Variants in CTR9 observed in about 807,000 individuals in gnomAD.
CTR9 encodes CTR9 component of Paf1/RNA polymerase II complex, also known as RNA polymerase-associated protein CTR9 homolog.
CTR9 carries 41 observed loss-of-function variants against 152.1 expected under a neutral mutation model. That is an observed-to-expected ratio of 0.27 (90% CI 0.21 to 0.35). CTR9 has a LOEUF of 0.35. CTR9 is among the 10% of genes least tolerant of loss of function. CTR9 has a pLI of 1.00. For missense variants in CTR9, 917 were observed against 1,424.4 expected, an observed-to-expected ratio of 0.64 and a Z score of 5.73; for synonymous variants, 476 against 496.2, an observed-to-expected ratio of 0.96 and a Z score of 0.54.
chr11:10,760,156 A>G lies in CTR9; in HGVS notation c.593-17A>G. 2 of 1,610,626 alleles carry G rather than the reference A, an allele frequency of 1.2e-6. No homozygotes were observed. The highest frequency in any genetic ancestry group is 1.3e-5 in the African/African-American group (1 of 74,970). On this transcript the variant is annotated splice_polypyrimidine_tract_variant and intron_variant, in intron 5 of 24. Coordinates refer to ENST00000361367, the MANE Select transcript of CTR9 (RefSeq NM_014633.5). ...AAAATGCCCTAGTTTGATAGATTGA[A>G]TGACTTCATTTTATAGCGGAAGTTC...
chr11:10,771,505 C>A (rs777985712), intron 18 of CTR9, 40 bp from the exon 19 acceptor site: 2 of 1,380,932 alleles, frequency 1.4e-6, no homozygotes, highest in African/African-American at 1.4e-5. Flanking sequence ...TCATTAGAAT[C>A]TCTTTTTTTA....
intron 7 of CTR9, 115 bp downstream of exon 7, chr11:10,762,169 C>T (rs1862988765): frequency 1.5e-6 from 1 of 679,964 alleles, no homozygotes; most frequent in African/African-American, 1.8e-5. Flanking sequence ...TTTCCCCCCT[C>T]CAAATTATAG....
chr11:10,751,351 A>T lies in CTR9; in HGVS notation c.-62A>T, dbSNP rs1007896834. 1.3e-6 allele frequency: 2 copies of T among 1,569,492 alleles called. No individual in the cohort carries two copies. The highest frequency in any genetic ancestry group is 1.8e-6 in the Non-Finnish European group (2 of 1,141,724). On this transcript the variant is annotated 5_prime_UTR_variant, in exon 1 of 25. Coordinates refer to ENST00000361367, the MANE Select transcript of CTR9 (RefSeq NM_014633.5). ...CGTCACTCACCTCTGGATTAGCCTG[A>T]AGCGGAGACTACCGGCTGCGGAGCG... is the stretch of plus-strand genomic sequence containing the variant.
In CTR9 at chr11:10,768,401, A is replaced by G. The variant is rs747692169; in HGVS notation, c.2019A>G (p.Val673=). 1.2e-6 allele frequency: 2 copies of G among 1,614,184 alleles called. No individual in the cohort carries two copies. Among genetic ancestry groups the G allele is most frequent in the South Asian group, 1.1e-5 (1 of 91,076 alleles). ...AAGCTCGTGATGTATTTGCCCAAGT[A>G]AGAGAAGCAACAGCAGATATTAGTG... The part of the protein sequence containing the change: ...FREARDVFAQ[V]REATADISDV... The change falls in exon 16 of 25, where the codon GTA becomes GTG. Residue 673 remains valine (V), a synonymous_variant. Coordinates refer to ENST00000361367, the MANE Select transcript of CTR9 (RefSeq NM_014633.5).
In CTR9 at chr11:10,774,035, T is replaced by C. The variant is rs367767575; in HGVS notation, c.2751T>C (p.Phe917=). The C allele has an allele frequency of 2.5e-5, 40 of 1,612,226 alleles. No homozygotes were observed. Among genetic ancestry groups the C allele is most frequent in the Non-Finnish European group, 3.4e-5 (40 of 1,179,346 alleles). ...GGRRSKKGGE[F]DEFVNDDTDD... Reference sequence around the variant, plus strand: ...AGCGTTCTAAGAAGGGAGGAGAGTTTGATGAATTTGTCAATGATGACACTG... The same window carrying C: ...AGCGTTCTAAGAAGGGAGGAGAGTTCGATGAATTTGTCAATGATGACACTG... The change falls in exon 22 of 25, where the codon TTT becomes TTC. Residue 917 remains phenylalanine (F), a synonymous_variant. Coordinates refer to ENST00000361367, the MANE Select transcript of CTR9 (RefSeq NM_014633.5).
Position 10,763,418 on chromosome 11 carries a change from G to C in CTR9, c.850-13G>C. ...TATGAATTCACTCAGTTGACTTTCTGATCTTTGTTCAGGATTATAGTAAAG... is the reference window on the plus strand; with the variant it reads ...TATGAATTCACTCAGTTGACTTTCTCATCTTTGTTCAGGATTATAGTAAAG... On this transcript the variant is annotated splice_polypyrimidine_tract_variant and intron_variant, in intron 7 of 24. Coordinates refer to ENST00000361367, the MANE Select transcript of CTR9 (RefSeq NM_014633.5). The C allele has an allele frequency of 6.3e-7, 1 of 1,578,514 alleles. No homozygotes were observed. The highest frequency in any genetic ancestry group is 8.7e-7 in the Non-Finnish European group (1 of 1,150,066).
At chr11:10,770,905 C>G (rs1436125009) in intron 18 of CTR9, among the ~76,000 whole-genome samples, 1 of 152,138 alleles carries the variant, frequency 6.6e-6, no homozygotes, top group African/African-American at 2.4e-5. Context: ...GGCTGGCTAG[C>G]TTTGCAAACT....
chr11:10,760,281 C>T lies in CTR9; in HGVS notation c.701C>T (p.Ala234Val). ...GAACTCAATTCCAAATGCGTGGGAG[C>T]ATTGGTTGGACTGGCTGTTCTAGAA... is the stretch of plus-strand genomic sequence containing the variant. ...ALELNSKCVGALVGLAVLELN... is the reference protein window; with the variant it reads ...ALELNSKCVGVLVGLAVLELN... Residue 234 changes from alanine to valine, a missense_variant, in exon 6 of 25, where the codon GCA becomes GTA. Coordinates refer to ENST00000361367, the MANE Select transcript of CTR9 (RefSeq NM_014633.5). 6.2e-7 allele frequency: 1 copy of T among 1,613,960 alleles called. No individual in the cohort carries two copies. The highest frequency in any genetic ancestry group is 8.5e-7 in the Non-Finnish European group (1 of 1,179,908).
rs750784338 is a variant in CTR9 at position 10,774,155 on chromosome 11, G to A, written c.2871G>A (p.Lys957=). The A allele has an allele frequency of 1.9e-6, 3 of 1,605,400 alleles. No homozygotes were observed. Among genetic ancestry groups the A allele is most frequent in the Admixed American group, 1.7e-5 (1 of 58,074 alleles). ...GEDEEGGERK[K]KKRRRHPKGE... ...ATGAGGAGGGTGGTGAGAGAAAGAA[G>A]AAAAAGAGGAGAAGGTAATGTCATC... The change falls in exon 22 of 25, where the codon AAG becomes AAA. Residue 957 remains lysine (K), a synonymous_variant. Coordinates refer to ENST00000361367, the MANE Select transcript of CTR9 (RefSeq NM_014633.5).
intron 24 of CTR9, among the ~76,000 whole-genome samples, chr11:10,776,920 C>G (rs1253790151): frequency 1.7e-5 from 2 of 119,374 alleles, no homozygotes; most frequent in Non-Finnish European, 3.2e-5. Flanking sequence ...TTGAAGTGAG[C>G]TGAGATGGTA....
Position 10,775,510 on chromosome 11 carries a change from A to G in CTR9, c.2983-11A>G, listed in dbSNP as rs1863218198. ...AGTCTTGACTAATCTATTATGTTTG[A>G]CATTCTTTAGCCCAAGCCAGAACGT... On this transcript the variant is annotated splice_polypyrimidine_tract_variant and intron_variant, in intron 23 of 24. Transcript: ENST00000361367. 6.2e-7 allele frequency: 1 copy of G among 1,604,070 alleles called. No individual in the cohort carries two copies.
At position 10,766,281 on chromosome 11, in the gene CTR9, ACTTTTCTGTTC is replaced by A. The variant is rs1863058261; in HGVS notation, c.1598-115_1598-105del. 11 of 709,046 alleles carry A rather than the reference ACTTTTCTGTTC, an allele frequency of 1.6e-5. No individual in the cohort carries two copies. In the South Asian group the frequency reaches 1.7e-4, roughly 11 times the overall value. 43.9% of individuals were successfully genotyped at this position (709,046 alleles called of 1,614,324 possible). A position where few individuals can be genotyped will look rare whatever the true frequency, so the allele number is the denominator to read the frequency against. On this transcript the variant is annotated intron_variant, in intron 12 of 24. Transcript: ENST00000361367. ...TGATTGATATTTTTTCACCTTTGGG[ACTTTTCTGTTC>A]CTTTTATGGCGGTATTAATGAAAAA...
At chr11:10,773,525 A>T (rs1198925285) in intron 21 of CTR9, among the ~76,000 whole-genome samples, 1 of 152,140 alleles carries the variant, frequency 6.6e-6, no homozygotes, top group Non-Finnish European at 1.5e-5. Context: ...TAACCAGTTG[A>T]GACTTTCGTC....
rs541041445 is a variant in CTR9, at chr11:10,770,384, C to A, written c.2226+58C>A. On this transcript the variant is annotated intron_variant, in intron 17 of 24. Coordinates refer to ENST00000361367, the MANE Select transcript of CTR9 (RefSeq NM_014633.5). ...CTGTGCTACATTGTATTTTTTAATT[C>A]TTCGTGATGCGTGTTCACATACCTA... The A allele has an allele frequency of 3.8e-6, 6 of 1,579,306 alleles. No homozygotes were observed. In the East Asian group the frequency reaches 9.0e-5, roughly 24 times the overall value.
Position 10,760,325 on chromosome 11 carries a change from T to C in CTR9, c.741+4T>C, listed in dbSNP as rs1405152063. 3 of 1,608,044 alleles carry C rather than the reference T, an allele frequency of 1.9e-6. No individual in the cohort carries two copies. The Admixed American group carries it at 5.1e-5, about 27-fold the overall frequency. On this transcript the variant is annotated splice_donor_region_variant and intron_variant, in intron 6 of 24. Transcript: ENST00000361367. Reference sequence around the variant, plus strand: ...TCTAGAACTCAACAATAAAGAGGTATGTAAATGAAAAAAGTATCTAGCTCC... The same window carrying C: ...TCTAGAACTCAACAATAAAGAGGTACGTAAATGAAAAAAGTATCTAGCTCC...
At chr11:10,759,828 G>A (rs1433545932) in intron 5 of CTR9, among the ~76,000 whole-genome samples, 2 of 152,154 alleles carry the variant, frequency 1.3e-5, no homozygotes, top group African/African-American at 4.8e-5. Flanking sequence ...TATTATTTAA[G>A]GTCTTAGTGG....
In CTR9 at chr11:10,778,800, C is replaced by A. The variant is rs761909746; in HGVS notation, c.3217C>A (p.Pro1073Thr). The A allele has an allele frequency of 1.2e-6, 2 of 1,614,190 alleles. No homozygotes were observed. Among genetic ancestry groups the A allele is most frequent in the Admixed American group, 1.7e-5 (1 of 60,024 alleles). Residue 1073 changes from proline to threonine, a missense_variant, in exon 25 of 25, where the codon CCC becomes ACC. Pro to Thr is a conservative substitution (Grantham distance 38). This residue lies in a region of CTR9 where 384 missense variants were observed against 398.4 expected (regional missense o/e 0.96). Coordinates refer to ENST00000361367, the MANE Select transcript of CTR9 (RefSeq NM_014633.5). ...CAAGTCTGGCAGCGAGGCCGGCAGTCCCCGGAGGCCACGAAGACAGCGGTC... is the reference window on the plus strand; with the variant it reads ...CAAGTCTGGCAGCGAGGCCGGCAGTACCCGGAGGCCACGAAGACAGCGGTC... ...QNKSGSEAGSPRRPRRQRSDQ... is the reference protein window; with the variant it reads ...QNKSGSEAGSTRRPRRQRSDQ...
intron 2 of CTR9, among the ~76,000 whole-genome samples, chr11:10,754,594 C>T (rs1178185092): frequency 1.3e-5 from 2 of 151,928 alleles, no homozygotes; most frequent in African/African-American, 2.4e-5. Flanking sequence ...CACCCCTAAT[C>T]CCTGTGCCAG....
chr11:10,771,539 A>G lies in CTR9; in HGVS notation c.2373-6A>G. On this transcript the variant is annotated splice_region_variant and splice_polypyrimidine_tract_variant and intron_variant, in intron 18 of 24. Coordinates refer to ENST00000361367, the MANE Select transcript of CTR9 (RefSeq NM_014633.5). ...TAAAAGTGAAGTATTTTCTCGTTTCATTTAGATACTTCAGTTATTTGAGTA... is the reference window on the plus strand; with the variant it reads ...TAAAAGTGAAGTATTTTCTCGTTTCGTTTAGATACTTCAGTTATTTGAGTA... The G allele has an allele frequency of 1.3e-6, 2 of 1,587,394 alleles. No individual in the cohort carries two copies. The highest frequency in any genetic ancestry group is 8.6e-7 in the Non-Finnish European group (1 of 1,156,196).
Sources: gnomAD v4.1 joint callset for allele counts (sites outside exome capture counted in the v4.1 genomes callset) on GRCh38, gnomAD v4.1.1 for gene constraint, gnomAD v4.1.1 regional missense constraint, MANE v1.5 for transcripts, NCBI Gene and HGNC (gene_info 2026-07-23, HGNC 2026-07-21) for gene names.